RFX4: variants seen among roughly 807,000 people sequenced by gnomAD.
RFX4 encodes transcription factor RFX4.
A neutral mutation model predicts 95.0 loss-of-function variants in RFX4; 10 were observed. The ratio of observed to expected loss-of-function variants is 0.11; its 90% CI spans 0.06 to 0.18. The LOEUF is 0.18. RFX4 is among the 10% of genes least tolerant of loss of function. The pLI, the probability that RFX4 is intolerant of heterozygous loss-of-function variation, is 1.00. For synonymous variants in RFX4, 321 were observed against 340.7 expected (o/e 0.94, Z 0.64); for missense variants, 640 against 922.0 (o/e 0.69, Z 3.96).
intron 13 of RFX4, among the ~76,000 whole-genome samples, chr12:106,727,816 T>G (rs910179485): frequency 1.3e-5 from 2 of 152,166 alleles, no homozygotes; most frequent in African/African-American, 4.8e-5. Flanking sequence ...AGACGGAGTT[T>G]CACCATGTTG....
At position 106,654,212 on chromosome 12, in the gene RFX4, G is replaced by A. The variant is rs780556212; in HGVS notation, c.192-16G>A. The A allele has an allele frequency of 3.6e-5, 58 of 1,613,542 alleles. 1 individual carries two copies. In the East Asian group the frequency reaches 1.2e-3, roughly 33 times the overall value. On this transcript the variant is annotated splice_polypyrimidine_tract_variant and intron_variant, in intron 3 of 17. Coordinates refer to ENST00000392842, the MANE Select transcript of RFX4 (RefSeq NM_213594.3). ...AGGTAACACATTTTTTGCTCATTGG[G>A]CGTTTATTTCCCTAGGCTGGAGGAG... is the stretch of plus-strand genomic sequence containing the variant.
intron 2 of RFX4, among the ~76,000 whole-genome samples, chr12:106,635,467 G>A (rs529550563): frequency 6.6e-5 from 10 of 151,928 alleles, no homozygotes; most frequent in African/African-American, 2.4e-4. Context: ...TGTGCGCCAC[G>A]ATGCCCAGCT....
chr12:106,610,274 G>A (rs1039998979), intron 2 of RFX4, among the ~76,000 whole-genome samples: 2 of 148,346 alleles, frequency 1.3e-5, no homozygotes, highest in Non-Finnish European at 3.0e-5. Context: ...AAACATATCT[G>A]AACATTCTAA....
intron 17 of RFX4, among the ~76,000 whole-genome samples, chr12:106,757,739 A>G (rs1485845361): frequency 2.0e-5 from 3 of 152,310 alleles, no homozygotes; most frequent in African/African-American, 7.2e-5. Flanking sequence ...CCCTTGTTCA[A>G]GTAGCAGCTC....
intron 4 of RFX4, among the ~76,000 whole-genome samples, chr12:106,670,746 T>G (rs2041265122): frequency 6.6e-6 from 1 of 152,146 alleles, no homozygotes; most frequent in African/African-American, 2.4e-5. Context: ...CAGCAAACAC[T>G]CATTTTAAGA....
intron 2 of RFX4, 30 bp downstream of exon 2, chr12:106,608,913 C>A: frequency 6.3e-7 from 1 of 1,591,714 alleles, no homozygotes; most frequent in Admixed American, 1.8e-5. Context: ...TCTTCCATGA[C>A]ATCCCAGACA....
At chr12:106,750,080 TG>T in intron 16 of RFX4, among the ~76,000 whole-genome samples, 1 of 152,194 alleles carries the variant, frequency 6.6e-6, no homozygotes, top group East Asian at 1.9e-4. Flanking sequence ...GAACGCTGGC[TG>T]GGGGGTAAGG....
chr12:106,673,342 G>C (rs1406271372), intron 4 of RFX4, among the ~76,000 whole-genome samples: 1 of 152,202 alleles, frequency 6.6e-6, no homozygotes, highest in East Asian at 1.9e-4. Context: ...GTGAAAGCCT[G>C]TTGAGGTTGA....
At chr12:106,590,661 A>C (rs775737577) in intron 1 of RFX4, among the ~76,000 whole-genome samples, 1 of 152,202 alleles carries the variant, frequency 6.6e-6, no homozygotes, top group Non-Finnish European at 1.5e-5. Context: ...GAAAGGATAT[A>C]ATGGCCAGGT....
At chr12:106,692,830 C>T (rs889538259) in intron 7 of RFX4, among the ~76,000 whole-genome samples, 1 of 152,108 alleles carries the variant, frequency 6.6e-6, no homozygotes, top group Non-Finnish European at 1.5e-5. Flanking sequence ...CTTATTTCAC[C>T]CTAATAGTAG....
chr12:106,601,314 A>T, intron 1 of RFX4: 1 of 1,595,698 alleles, frequency 6.3e-7, no homozygotes, highest in Non-Finnish European at 8.5e-7. Context: ...GCGGGAGGCG[A>T]CAGGACCAGG....
intron 13 of RFX4, among the ~76,000 whole-genome samples, chr12:106,724,175 G>A (rs1267626876): frequency 5.3e-5 from 8 of 152,188 alleles, no homozygotes; most frequent in Admixed American, 5.2e-4. Context: ...ATGAAGCAAA[G>A]ACAAGATAAT....
chr12:106,714,068 C>CA (rs58283896), intron 10 of RFX4, among the ~76,000 whole-genome samples: 4,869 of 29,872 alleles, frequency 0.16, 674 homozygotes, highest in East Asian at 0.29. Flanking sequence ...AACTCCATCT[C>CA]AAAAAAAAAA....
chr12:106,586,117 C>T lies in RFX4; in HGVS notation c.43+2754C>T, dbSNP rs967443288. On this transcript the variant is annotated intron_variant, in intron 1 of 17. Transcript: ENST00000392842. The surrounding 1 kb of genome is among the most constrained non-coding windows in gnomAD (Gnocchi z 5.6). ...CTGCCGAGCCCGACAAAGCAAAGCC[C>T]CTCTCGGAGGCAAAGCCCCAGCTTG... 1.3e-5 allele frequency: 2 copies of T among 152,260 alleles called. No individual in the cohort carries two copies. Among genetic ancestry groups the T allele is most frequent in the Admixed American group, 1.3e-4 (2 of 15,292 alleles). The allele number at this position is 152,260 out of a possible 1,614,324, so 9.4% of individuals were successfully genotyped here. A position where few individuals can be genotyped will look rare whatever the true frequency, so the allele number is the denominator to read the frequency against.
At chr12:106,709,961 C>A (rs554246366) in intron 9 of RFX4, among the ~76,000 whole-genome samples, 1 of 152,184 alleles carries the variant, frequency 6.6e-6, no homozygotes, top group South Asian at 2.1e-4. Context: ...GCATTCTCTG[C>A]CTAATTAGAA....
rs74654565 is a variant in RFX4 at position 106,661,730 on chromosome 12, G to T, written c.315+7379G>T. ...GTTCTCTGCCTAGTCCTCTCTCCCT[G>T]TCCCCTAACCCCTGGTAACTACTGA... is the stretch of plus-strand genomic sequence containing the variant. On this transcript the variant is annotated intron_variant, in intron 4 of 17. Coordinates refer to ENST00000392842, the MANE Select transcript of RFX4 (RefSeq NM_213594.3). Among the ~76,000 whole-genome samples, 7 of 152,222 alleles carry T rather than the reference G, an allele frequency of 4.6e-5. No individual in the cohort carries two copies. In the East Asian group the frequency reaches 9.7e-4, roughly 21 times the overall value.
chr12:106,704,611 T>C (rs997089383), intron 8 of RFX4, among the ~76,000 whole-genome samples: 2 of 152,144 alleles, frequency 1.3e-5, no homozygotes, highest in African/African-American at 4.8e-5. Context: ...GACCCATCCC[T>C]TCCTTTCCAA....
chr12:106,689,910 A>T (rs1237274910), intron 7 of RFX4, among the ~76,000 whole-genome samples: 1 of 152,172 alleles, frequency 6.6e-6, no homozygotes, highest in East Asian at 1.9e-4. Flanking sequence ...TTGTAGTTAA[A>T]GAATGGAGAG....
chr12:106,686,165 C>G (rs1413343265), intron 5 of RFX4, among the ~76,000 whole-genome samples: 4 of 152,168 alleles, frequency 2.6e-5, no homozygotes, highest in Non-Finnish European at 5.9e-5. Context: ...GTAATCCCAG[C>G]ACTTTGGGAG....
Sources: allele counts gnomAD v4.1 joint callset (sites outside exome capture counted in the v4.1 genomes callset), GRCh38; gene constraint gnomAD v4.1.1; non-coding constraint Gnocchi (gnomAD v3.1); transcripts MANE v1.5; gene names NCBI Gene and HGNC (gene_info 2026-07-23, HGNC 2026-07-21).